Variants in MARCHF6 observed in about 807,000 individuals in gnomAD.
The protein encoded by MARCHF6 is E3 ubiquitin-protein ligase MARCHF6.
A neutral mutation model predicts 133.7 loss-of-function variants in MARCHF6; 31 were observed. The observed-to-expected ratio is 0.23, with a 90% CI of 0.17 to 0.31. The LOEUF is 0.31. Ranked by LOEUF, MARCHF6 falls within the 10% of genes least tolerant of loss-of-function variation. MARCHF6 has a pLI of 1.00. For synonymous variants in MARCHF6, 395 were observed against 402.5 expected, an observed-to-expected ratio of 0.98 and a Z score of 0.22; for missense variants, 723 against 1,121.6, an observed-to-expected ratio of 0.64 and a Z score of 5.08.
At chr5:10,419,342 T>G (rs1739705344) in intron 22 of MARCHF6, among the ~76,000 whole-genome samples, 1 of 152,120 alleles carries the variant, frequency 6.6e-6, no homozygotes, top group Non-Finnish European at 1.5e-5. Context: ...AAAAATAAAA[T>G]AGGTTTTGTG....
chr5:10,368,995 G>A (rs1736301007), intron 1 of MARCHF6, among the ~76,000 whole-genome samples: 1 of 152,184 alleles, frequency 6.6e-6, no homozygotes, highest in Non-Finnish European at 1.5e-5. Context: ...TGGGTGGAGG[G>A]GGAAGTGCTT....
At chr5:10,412,669 T>A (rs1158329559) in intron 19 of MARCHF6, among the ~76,000 whole-genome samples, 1 of 152,072 alleles carries the variant, frequency 6.6e-6, no homozygotes, top group African/African-American at 2.4e-5. Context: ...ACCTCCTGGG[T>A]TCAAGCGATC....
At chr5:10,360,144 G>GT (rs1164778520) in intron 1 of MARCHF6, among the ~76,000 whole-genome samples, 53,097 of 75,700 alleles carry the variant, frequency 0.7, 20,366 homozygotes, top group Non-Finnish European at 0.8. Flanking sequence ...ATGTGTGTGT[G>GT]TTTTTTTTTT....
chr5:10,391,411 G>C, intron 6 of MARCHF6, 131 bp from the exon 7 acceptor site: 1 of 628,822 alleles, frequency 1.6e-6, no homozygotes, highest in Non-Finnish European at 2.6e-6. Flanking sequence ...AGGATTACAG[G>C]CATGAGCCAC....
intron 21 of MARCHF6, among the ~76,000 whole-genome samples, chr5:10,417,025 T>C (rs967492296): frequency 6.6e-6 from 1 of 152,242 alleles, no homozygotes; most frequent in Admixed American, 6.5e-5. Context: ...GTAGCTTTTC[T>C]TGGGCAAACA....
At chr5:10,413,582 C>G (rs1404269638) in intron 19 of MARCHF6, 8 of 152,234 alleles carry the variant, frequency 5.3e-5, no homozygotes, top group African/African-American at 1.9e-4. Context: ...TAATCTGAGA[C>G]TGGGTAATTT....
intron 11 of MARCHF6, 86 bp downstream of exon 11, chr5:10,400,928 C>T: frequency 9.5e-7 from 1 of 1,056,074 alleles, no homozygotes; most frequent in Non-Finnish European, 1.4e-6. Context: ...AGAGTTACAT[C>T]ATTTCTTCAT....
intron 21 of MARCHF6, among the ~76,000 whole-genome samples, chr5:10,416,161 CAT>C (rs1739500732): frequency 6.6e-6 from 1 of 152,266 alleles, no homozygotes; most frequent in East Asian, 1.9e-4. Flanking sequence ...CTCAGTAACA[CAT>C]ATGACTCCCA....
At chr5:10,386,911 C>T (rs1737512648) in intron 4 of MARCHF6, 83 bp from the exon 5 acceptor site, 2 of 982,660 alleles carry the variant, frequency 2.0e-6, no homozygotes, top group South Asian at 1.3e-5. Flanking sequence ...TGTGGCGTTC[C>T]ACTTTACCTC....
intron 1 of MARCHF6, among the ~76,000 whole-genome samples, chr5:10,376,859 G>T (rs1201716321): frequency 6.6e-6 from 1 of 152,166 alleles, no homozygotes; most frequent in East Asian, 1.9e-4. Flanking sequence ...GTAGTAAGTC[G>T]TCGTTAAGGA....
Position 10,434,964 on chromosome 5 carries a change from A to C in MARCHF6, c.*1280A>C, listed in dbSNP as rs998510540. 5.2e-5 allele frequency: 8 copies of C among 152,648 alleles called. No homozygotes were observed. Among genetic ancestry groups the C allele is most frequent in the African/African-American group, 1.4e-4 (6 of 41,468 alleles). The allele number at this position is 152,648 out of a possible 1,614,324, so 9.5% of individuals were successfully genotyped here. On this transcript the variant is annotated 3_prime_UTR_variant, in exon 26 of 26. Coordinates refer to ENST00000274140, the MANE Select transcript of MARCHF6 (RefSeq NM_005885.4). ...TGTTTTCCCTCATAACCAAAGCTTC[A>C]GGTTAGAAGTTTAGAAAAATAGAAT...
chr5:10,370,668 C>G (rs982127534), intron 1 of MARCHF6, among the ~76,000 whole-genome samples: 3 of 151,580 alleles, frequency 2.0e-5, no homozygotes, highest in Non-Finnish European at 1.5e-5. Flanking sequence ...TAACCCAGCA[C>G]AAAGCTGATT....
chr5:10,420,231 A>G (rs1037527245), intron 22 of MARCHF6, among the ~76,000 whole-genome samples: 3 of 152,234 alleles, frequency 2.0e-5, no homozygotes, highest in African/African-American at 7.2e-5. Context: ...AAGGCCTACA[A>G]CATCACTTTT....
At chr5:10,379,787 A>G (rs932370442) in intron 3 of MARCHF6, among the ~76,000 whole-genome samples, 1 of 152,120 alleles carries the variant, frequency 6.6e-6, no homozygotes, top group Non-Finnish European at 1.5e-5. Context: ...ATAATAAAAA[A>G]TAGAGAGAGG....
chr5:10,359,928 C>T (rs1735709554), intron 1 of MARCHF6, among the ~76,000 whole-genome samples: 1 of 151,824 alleles, frequency 6.6e-6, no homozygotes, highest in South Asian at 2.1e-4. Context: ...ATGGCGTGAA[C>T]GTGGGAGGCG....
chr5:10,419,518 TGAG>T (rs1739717044), intron 22 of MARCHF6, among the ~76,000 whole-genome samples: 2 of 152,066 alleles, frequency 1.3e-5, no homozygotes, highest in African/African-American at 4.8e-5. Flanking sequence ...CATTGTAAGT[TGAG>T]GAGGATCTAA....
intron 7 of MARCHF6, 56 bp downstream of exon 7, chr5:10,391,787 G>T (rs1737863170): frequency 7.2e-7 from 1 of 1,390,040 alleles, no homozygotes; most frequent in Admixed American, 2.8e-5. Flanking sequence ...TTCTCAACTT[G>T]CATTGAGGAA....
Position 10,411,450 on chromosome 5 carries a change from C to T in MARCHF6, c.1809C>T (p.Gly603=), listed in dbSNP as rs1739225295. 1 of 1,614,082 alleles carries T rather than the reference C, an allele frequency of 6.2e-7. No homozygotes were observed. The highest frequency in any genetic ancestry group is 1.7e-5 in the Admixed American group (1 of 60,014). ...ACGCTATTCCTGTGGTGGGAGAAGGCCTTCATGCAGCCCACCAAGCCATAC... is the reference window on the plus strand; with the variant it reads ...ACGCTATTCCTGTGGTGGGAGAAGGTCTTCATGCAGCCCACCAAGCCATAC... The part of the protein sequence containing the change: ...NNNAIPVVGE[G]LHAAHQAILQ... The change falls in exon 19 of 26, where the codon GGC becomes GGT. Residue 603 remains glycine (G), a synonymous_variant. Coordinates refer to ENST00000274140, the MANE Select transcript of MARCHF6 (RefSeq NM_005885.4).
intron 19 of MARCHF6, chr5:10,413,347 A>G (rs2126792388): frequency 6.6e-6 from 1 of 152,298 alleles, no homozygotes. Context: ...GACTTTTCAC[A>G]CAGTTACAGC....
Sources: gnomAD v4.1 joint callset for allele counts (sites outside exome capture counted in the v4.1 genomes callset) on GRCh38, gnomAD v4.1.1 for gene constraint, MANE v1.5 for transcripts, NCBI Gene and HGNC (gene_info 2026-07-23, HGNC 2026-07-21) for gene names.